ITPR2: variants seen among roughly 807,000 people sequenced by gnomAD.
ITPR2 encodes inositol 1,4,5-trisphosphate receptor type 2.
A neutral mutation model predicts 317.1 loss-of-function variants in ITPR2; 207 were observed. That is an observed-to-expected ratio of 0.65 (90% CI 0.58 to 0.73). The LOEUF is 0.73. Ranked by LOEUF, ITPR2 falls within the 30% of genes least tolerant of loss-of-function variation. The pLI is 0.00. For synonymous variants in ITPR2, 1,156 were observed against 1,149.1 expected, an observed-to-expected ratio of 1.01 and a Z score of -0.12; for missense variants, 2,613 against 3,284.0, an observed-to-expected ratio of 0.80 and a Z score of 4.99.
In ITPR2 at chr12:26,414,031, T is replaced by G. The variant is rs372579463; in HGVS notation, c.7306+1272A>C. On this transcript the variant is annotated intron_variant, in intron 51 of 56. Coordinates refer to ENST00000381340, the MANE Select transcript of ITPR2 (RefSeq NM_002223.4). ...TAATGTGGAGGTTTTGGGAAGCAGA[T>G]AGTCTACATGTATATATGTACACAC... 4.1e-5 allele frequency among the ~76,000 whole-genome samples: 5 copies of G among 122,798 alleles called. 1 individual carries two copies. The highest frequency in any genetic ancestry group is 1.6e-4 in the African/African-American group (5 of 30,622). 80.6% of individuals were successfully genotyped at this position (122,798 alleles called of 152,430 possible).
At chr12:26,492,692 T>C (rs1237227803) in intron 39 of ITPR2, among the ~76,000 whole-genome samples, 1 of 152,172 alleles carries the variant, frequency 6.6e-6, no homozygotes, top group Non-Finnish European at 1.5e-5. Context: ...CAGTGGAACA[T>C]TGGTCAAAGA....
chr12:26,590,607 T>C (rs933418236), intron 32 of ITPR2, among the ~76,000 whole-genome samples: 1 of 152,138 alleles, frequency 6.6e-6, no homozygotes, highest in Non-Finnish European at 1.5e-5. Context: ...TCTCATGATA[T>C]ACAAAAATCA....
intron 26 of ITPR2, among the ~76,000 whole-genome samples, chr12:26,607,249 A>G (rs892254643): frequency 4.6e-5 from 7 of 151,256 alleles, no homozygotes; most frequent in Non-Finnish European, 7.4e-5. Flanking sequence ...CCAGCCACCC[A>G]CCCCCTAACT....
At chr12:26,520,159 G>C (rs1943626601) in intron 37 of ITPR2, among the ~76,000 whole-genome samples, 1 of 152,136 alleles carries the variant, frequency 6.6e-6, no homozygotes, top group South Asian at 2.1e-4. Flanking sequence ...GGTTTTCAGA[G>C]AAACATACCA....
chr12:26,749,120 A>G (rs1017522745), intron 2 of ITPR2, among the ~76,000 whole-genome samples: 4 of 152,198 alleles, frequency 2.6e-5, no homozygotes, highest in African/African-American at 9.7e-5. Context: ...TTTCCCTATT[A>G]ACCATTTGTG....
At chr12:26,595,661 G>T (rs1057075867) in intron 31 of ITPR2, 71 bp from the exon 32 acceptor site, 3 of 1,241,388 alleles carry the variant, frequency 2.4e-6, no homozygotes, top group Admixed American at 2.7e-5. Flanking sequence ...AATTATGAAA[G>T]GTTAACATAA....
chr12:26,580,806 G>A (rs573624634), intron 32 of ITPR2, among the ~76,000 whole-genome samples: 88 of 152,236 alleles, frequency 5.8e-4, no homozygotes, highest in African/African-American at 1.5e-3. Context: ...TCCCTGGCTC[G>A]TGCTCTGATC....
At chr12:26,651,318 C>T (rs1025094013) in intron 21 of ITPR2, among the ~76,000 whole-genome samples, 2 of 152,178 alleles carry the variant, frequency 1.3e-5, no homozygotes, top group Non-Finnish European at 1.5e-5. Flanking sequence ...CTTCATTGTT[C>T]TCCTGCCTTT....
chr12:26,595,356 GCAA>G lies in ITPR2; in HGVS notation c.4380+106_4380+108del, dbSNP rs1365974519. On this transcript the variant is annotated intron_variant, in intron 32 of 56. Transcript: ENST00000381340. Reference sequence around the variant, plus strand: ...TTTATTCACAACTTTATGAATGAATGCAACAAATCAAAAGGTAGTGAATTTAAC... The same window carrying G: ...TTTATTCACAACTTTATGAATGAATGCAAATCAAAAGGTAGTGAATTTAAC... 4.9e-6 allele frequency: 5 copies of G among 1,022,844 alleles called. No individual in the cohort carries two copies. The Admixed American group carries it at 1.3e-4, about 27-fold the overall frequency. 63.4% of individuals were successfully genotyped at this position (1,022,844 alleles called of 1,614,324 possible).
chr12:26,746,620 G>C (rs956479321), intron 2 of ITPR2, among the ~76,000 whole-genome samples: 4 of 152,156 alleles, frequency 2.6e-5, no homozygotes, highest in African/African-American at 9.7e-5. Flanking sequence ...ACTTAGTGTA[G>C]TAGTGCTGTT....
intron 13 of ITPR2, among the ~76,000 whole-genome samples, chr12:26,681,438 T>C (rs773375543): frequency 3.9e-5 from 6 of 152,152 alleles, no homozygotes; most frequent in African/African-American, 7.2e-5. Context: ...CCTGCAGATT[T>C]TTTTTTTCTG....
chr12:26,357,162 G>A (rs544089145), intron 55 of ITPR2, among the ~76,000 whole-genome samples: 220 of 152,172 alleles, frequency 1.4e-3, no homozygotes, highest in Non-Finnish European at 2.5e-3. Context: ...AGGTTATGGC[G>A]TTGGGGGAAG....
At chr12:26,760,009 C>T (rs75317602) in intron 2 of ITPR2, among the ~76,000 whole-genome samples, 5,278 of 152,244 alleles carry the variant, frequency 0.035, 290 homozygotes, top group African/African-American at 0.12. Flanking sequence ...AGCTCAAGTC[C>T]CTGATATAAA....
intron 52 of ITPR2, among the ~76,000 whole-genome samples, chr12:26,408,601 G>A (rs1049697926): frequency 2.6e-5 from 4 of 152,078 alleles, no homozygotes; most frequent in African/African-American, 9.7e-5. Context: ...CTGTGCCTTG[G>A]GAGCCCTGGC....
chr12:26,523,922 A>C (rs771771759), intron 37 of ITPR2, among the ~76,000 whole-genome samples: 17 of 152,264 alleles, frequency 1.1e-4, no homozygotes, highest in South Asian at 4.1e-4. Context: ...GAGCCGCCTC[A>C]GTGGCTTGGC....
At chr12:26,513,394 A>G (rs868724384) in intron 37 of ITPR2, among the ~76,000 whole-genome samples, 1 of 152,206 alleles carries the variant, frequency 6.6e-6, no homozygotes, top group South Asian at 2.1e-4. Flanking sequence ...TGGAAAATGT[A>G]AAAAGTTTTC....
intron 55 of ITPR2, among the ~76,000 whole-genome samples, chr12:26,366,167 ATGTGGAAAATGT>A (rs1391735620): frequency 1.3e-5 from 2 of 152,142 alleles, no homozygotes; most frequent in Admixed American, 6.6e-5. Flanking sequence ...TGCCCATGTG[ATGTGGAAAATGT>A]TGTTTCTGCT....
intron 39 of ITPR2, among the ~76,000 whole-genome samples, chr12:26,488,592 A>C (rs1057120958): frequency 1.3e-5 from 2 of 152,228 alleles, no homozygotes; most frequent in African/African-American, 4.8e-5. Flanking sequence ...TCAAGAAAGA[A>C]GGCCAAAAAG....
At chr12:26,346,425 C>A (rs970092532) in intron 55 of ITPR2, among the ~76,000 whole-genome samples, 2 of 152,116 alleles carry the variant, frequency 1.3e-5, no homozygotes, top group Admixed American at 1.3e-4. Flanking sequence ...GAGTTCGAGA[C>A]CAGCCTGGCC....
Sources: gnomAD v4.1 joint callset for allele counts (sites outside exome capture counted in the v4.1 genomes callset) on GRCh38, gnomAD v4.1.1 for gene constraint, MANE v1.5 for transcripts, NCBI Gene and HGNC (gene_info 2026-07-23, HGNC 2026-07-21) for gene names.